PLXNA4: variants seen among roughly 807,000 people sequenced by gnomAD.
The protein encoded by PLXNA4 is plexin A4, also known as plexin-A4.
A neutral mutation model predicts 191.8 loss-of-function variants in PLXNA4; 44 were observed. The ratio of observed to expected loss-of-function variants is 0.23; its 90% CI spans 0.18 to 0.29. The LOEUF is 0.29. Ranked by LOEUF, PLXNA4 falls within the 10% of genes least tolerant of loss-of-function variation. The probability of loss-of-function intolerance (pLI) is 1.00; values close to 1 mark genes in which losing one functional copy is unlikely to be tolerated. For synonymous variants in PLXNA4, 1,082 were observed against 1,009.5 expected, an observed-to-expected ratio of 1.07 and a Z score of -1.36; for missense variants, 1,800 against 2,488.8, an observed-to-expected ratio of 0.72 and a Z score of 5.89.
chr7:132,516,439 A>G (rs954091700), intron 1 of PLXNA4, among the ~76,000 whole-genome samples: 4 of 152,332 alleles, frequency 2.6e-5, no homozygotes, highest in African/African-American at 9.6e-5. Context: ...CATCCTATGC[A>G]GCAAAGGAAA....
intron 3 of PLXNA4, chr7:132,385,271 T>C (rs778205913): frequency 6.2e-6 from 10 of 1,613,866 alleles, no homozygotes; most frequent in Non-Finnish European, 8.5e-6. Flanking sequence ...AGCTCAAGGG[T>C]AGGGCAGAGG....
intron 2 of PLXNA4, among the ~76,000 whole-genome samples, chr7:132,506,531 T>A (rs1319595898): frequency 6.6e-6 from 1 of 152,200 alleles, no homozygotes; most frequent in Admixed American, 6.5e-5. Flanking sequence ...ACAAGAACAC[T>A]GAAGATGCTG....
chr7:132,388,974 G>A (rs2116980841), intron 3 of PLXNA4, among the ~76,000 whole-genome samples: 1 of 152,348 alleles, frequency 6.6e-6, no homozygotes, highest in East Asian at 1.9e-4. Flanking sequence ...AGCTCTGGCT[G>A]GAAGAGACAA....
chr7:132,430,499 A>G (rs1245153639), intron 3 of PLXNA4, among the ~76,000 whole-genome samples: 1 of 152,174 alleles, frequency 6.6e-6, no homozygotes, highest in Non-Finnish European at 1.5e-5. Context: ...CAGAGGGGGC[A>G]GTTGAGCTAA....
In PLXNA4 at chr7:132,217,026, A is replaced by G. The variant is rs1351524014; in HGVS notation, c.2098-5883T>C. Among the ~76,000 whole-genome samples, 4 of 152,286 alleles carry G rather than the reference A, an allele frequency of 2.6e-5. No individual in the cohort carries two copies. In the East Asian group the frequency reaches 7.7e-4, roughly 29 times the overall value. ...TGTGGCTACATTCTGCAGTTCTAAG[A>G]ATGCAGGGGGGTGAGAAGTGGCAGC... On this transcript the variant is annotated intron_variant, in intron 9 of 31. Transcript: ENST00000321063.
intron 3 of PLXNA4, among the ~76,000 whole-genome samples, chr7:132,471,011 C>A (rs1004985397): frequency 6.6e-6 from 1 of 152,084 alleles, no homozygotes; most frequent in East Asian, 1.9e-4. Flanking sequence ...GGAGGTGGGG[C>A]CTTGGGGGGT....
intron 9 of PLXNA4, among the ~76,000 whole-genome samples, chr7:132,216,824 C>T (rs1797977905): frequency 6.6e-6 from 1 of 152,238 alleles, no homozygotes; most frequent in Non-Finnish European, 1.5e-5. Context: ...GATGATCCAG[C>T]TTCCACCCAA....
At chr7:132,309,246 G>T (rs1247629808) in intron 3 of PLXNA4, among the ~76,000 whole-genome samples, 1 of 152,182 alleles carries the variant, frequency 6.6e-6, no homozygotes, top group Non-Finnish European at 1.5e-5. Context: ...TGACCAAGCT[G>T]CAGGAGGGGA....
chr7:132,246,297 T>C (rs967026937), intron 4 of PLXNA4, among the ~76,000 whole-genome samples: 3 of 152,246 alleles, frequency 2.0e-5, no homozygotes, highest in Non-Finnish European at 4.4e-5. Flanking sequence ...GGTATCACTA[T>C]TCTTTTCAAC....
At chr7:132,537,635 G>A (rs1331289904) in intron 1 of PLXNA4, among the ~76,000 whole-genome samples, 4 of 152,328 alleles carry the variant, frequency 2.6e-5, no homozygotes, top group Admixed American at 2.0e-4. Context: ...AAGAGGGTGG[G>A]AGGCATCTAC....
At chr7:132,517,338 G>A (rs1278028118) in intron 1 of PLXNA4, among the ~76,000 whole-genome samples, 1 of 152,150 alleles carries the variant, frequency 6.6e-6, no homozygotes, top group Non-Finnish European at 1.5e-5. Context: ...AGAAATAAGT[G>A]TGTTTTCTCT....
At chr7:132,172,075 A>G (rs6964214) in intron 21 of PLXNA4, among the ~76,000 whole-genome samples, 7,092 of 152,000 alleles carry the variant, frequency 0.047, 536 homozygotes, top group African/African-American at 0.16. Context: ...AAGGAAGGAG[A>G]TGGAAGTGAA....
In PLXNA4 at chr7:132,130,648, G is replaced by A. The variant is rs1042800141; in HGVS notation, c.5590-74C>T. The A allele has an allele frequency of 4.0e-5, 64 of 1,605,068 alleles. No individual in the cohort carries two copies. In the African/African-American group the frequency reaches 8.2e-4, roughly 20 times the overall value. ...CTGTGTTCTCAGGAGGCACAAAGATGGTGTGGATGTGGTCAGAAGCCCGGG... is the reference window on the plus strand; with the variant it reads ...CTGTGTTCTCAGGAGGCACAAAGATAGTGTGGATGTGGTCAGAAGCCCGGG... On this transcript the variant is annotated intron_variant, in intron 31 of 31. Transcript: ENST00000321063.
At chr7:132,360,623 A>C (rs1278968679) in intron 3 of PLXNA4, among the ~76,000 whole-genome samples, 1 of 152,198 alleles carries the variant, frequency 6.6e-6, no homozygotes, top group Non-Finnish European at 1.5e-5. Flanking sequence ...CAACAACAAA[A>C]AGATAAAAAT....
chr7:132,381,696 G>A (rs1026298794), intron 3 of PLXNA4, among the ~76,000 whole-genome samples: 6 of 152,178 alleles, frequency 3.9e-5, no homozygotes, highest in South Asian at 4.1e-4. Flanking sequence ...GGATGAATGC[G>A]GAGTGAATAT....
chr7:132,365,531 T>C (rs6971197), intron 3 of PLXNA4, among the ~76,000 whole-genome samples: 9,642 of 152,220 alleles, frequency 0.063, 355 homozygotes, highest in Non-Finnish European at 0.078. Context: ...CTGGAATGAC[T>C]TGTGGTTCAA....
intron 27 of PLXNA4, among the ~76,000 whole-genome samples, chr7:132,147,581 T>C (rs767909162): frequency 2.0e-5 from 3 of 152,286 alleles, no homozygotes; most frequent in South Asian, 2.1e-4. Flanking sequence ...ATCTGCATAA[T>C]AGGGGGAAAT....
chr7:132,404,151 G>C (rs1794114647), intron 3 of PLXNA4, among the ~76,000 whole-genome samples: 1 of 152,140 alleles, frequency 6.6e-6, no homozygotes, highest in Non-Finnish European at 1.5e-5. Context: ...AATTAACCCA[G>C]AGGCCTTGAC....
rs373715896 is a variant in PLXNA4 at position 132,397,649 on chromosome 7, T to C, written c.1371+91643A>G. 3.5e-4 allele frequency among the ~76,000 whole-genome samples: 53 copies of C among 152,300 alleles called. No individual in the cohort carries two copies. In the East Asian group the frequency reaches 9.6e-3, roughly 28 times the overall value. ...AAAGGATGAAGCAGCTCCTAGACTG[T>C]CAAATGCCCACTGTCTCTACCACCT... is the stretch of plus-strand genomic sequence containing the variant. On this transcript the variant is annotated intron_variant, in intron 3 of 31. Coordinates refer to ENST00000321063, the MANE Select transcript of PLXNA4 (RefSeq NM_020911.2).
Sources: allele counts gnomAD v4.1 joint callset (sites outside exome capture counted in the v4.1 genomes callset), GRCh38; gene constraint gnomAD v4.1.1; transcripts MANE v1.5; gene names NCBI Gene and HGNC (gene_info 2026-07-23, HGNC 2026-07-21).